The following MANBA variants were observed in gnomAD, a reference collection of about 807,000 sequenced individuals.
The protein encoded by MANBA is beta-mannosidase.
A neutral mutation model predicts 111.1 loss-of-function variants in MANBA; 83 were observed. The observed-to-expected ratio is 0.75, with a 90% CI of 0.63 to 0.90. The LOEUF (loss-of-function observed/expected upper bound fraction) is 0.90, where lower values mean the gene tolerates loss of function less well. MANBA is among the 40% of genes least tolerant of loss of function. MANBA has a pLI of 0.00. For missense variants in MANBA, 1,036 were observed against 1,069.0 expected (o/e 0.97, Z 0.43); for synonymous variants, 370 against 378.7 (o/e 0.98, Z 0.27).
chr4:102,631,904 T>G lies in MANBA; in HGVS notation c.*153A>C. 1.4e-6 allele frequency: 1 copy of G among 726,148 alleles called. No individual in the cohort carries two copies. Among genetic ancestry groups the G allele is most frequent in the African/African-American group, 1.7e-5 (1 of 57,456 alleles). The allele number at this position is 726,148 out of a possible 1,614,324, so 45.0% of individuals were successfully genotyped here. On this transcript the variant is annotated 3_prime_UTR_variant, in exon 17 of 17. Transcript: ENST00000647097. ...AACAGCCTCCCCTGAAAGTGTTCAG[T>G]GTACAACTCTTCACAGAGCAATCGC... is the stretch of plus-strand genomic sequence containing the variant.
At chr4:102,714,706 T>A in intron 4 of MANBA, 145 bp from the exon 5 acceptor site, 1 of 810,186 alleles carries the variant, frequency 1.2e-6, no homozygotes, top group Non-Finnish European at 2.0e-6. Context: ...CTAAGTGGTT[T>A]AAACAATGGA....
chr4:102,725,713 T>C (rs1722768122), intron 2 of MANBA, among the ~76,000 whole-genome samples: 1 of 152,130 alleles, frequency 6.6e-6, no homozygotes, highest in Admixed American at 6.6e-5. Flanking sequence ...GCCTCTTTCC[T>C]GGCACTCTTC....
rs142248415 is a variant in MANBA, at chr4:102,634,957, A to T, written c.2246T>A (p.Leu749His). The T allele has an allele frequency of 7.6e-4, 1,226 of 1,614,220 alleles. 12 individuals carry two copies. In the East Asian group the frequency reaches 0.026, roughly 34 times the overall value. ...CAATTCAGACACTGGCTCCTCATAA[A>T]GGCAGACAGCCTCTCCTCCTTTCAT... Reference protein sequence around the residue: ...FVMKGGEAVCLYEEPVSELLR... With the variant: ...FVMKGGEAVCHYEEPVSELLR... The change falls in exon 16 of 17, where the codon CTT becomes CAT. Residue 749 changes from leucine (L) to histidine (H), a missense_variant. Coordinates refer to ENST00000647097, the MANE Select transcript of MANBA (RefSeq NM_005908.4).
At chr4:102,634,683 A>G in intron 16 of MANBA, 105 bp downstream of exon 16, 1 of 1,486,210 alleles carries the variant, frequency 6.7e-7, no homozygotes, top group Admixed American at 1.7e-5. Flanking sequence ...TAAACTCAGC[A>G]CCAAGGGGGA....
chr4:102,744,530 C>CT (rs1378512138), intron 1 of MANBA, among the ~76,000 whole-genome samples: 2 of 152,184 alleles, frequency 1.3e-5, no homozygotes. Context: ...AGGCAAATTG[C>CT]TTCTGGTGGG....
rs774858196 is a variant in MANBA at position 102,664,689 on chromosome 4, A to C, written c.1481T>G (p.Leu494Arg). The C allele has an allele frequency of 4.3e-6, 7 of 1,611,242 alleles. No homozygotes were observed. Among genetic ancestry groups the C allele is most frequent in the Non-Finnish European group, 5.9e-6 (7 of 1,177,400 alleles). ...GCATTAAAAATCATTACTTACTGCC[A>C]GTACGAGCTCTCTGATGTTTTTCAC... Reference protein sequence around the residue: ...LYVKNIRELVLAGDKSRPFIT... With the variant: ...LYVKNIRELVRAGDKSRPFIT... The change falls in exon 11 of 17, where the codon CTG (leucine) becomes CGG (arginine). Residue 494 changes from leucine (L) to arginine (R), a missense_variant. By Grantham distance (102) the Leu-to-Arg change is moderately radical. Transcript: ENST00000647097.
intron 1 of MANBA, among the ~76,000 whole-genome samples, chr4:102,733,911 A>G (rs111775987): frequency 3.3e-5 from 5 of 152,268 alleles, no homozygotes; most frequent in African/African-American, 4.8e-5. Context: ...AGAAAAAACT[A>G]TGGAGACAGT....
chr4:102,657,118 C>A (rs115131065), intron 12 of MANBA, among the ~76,000 whole-genome samples: 2,435 of 151,022 alleles, frequency 0.016, 65 homozygotes, highest in African/African-American at 0.054. Context: ...AAGAAGAACA[C>A]ACACAATGCT....
At position 102,713,043 on chromosome 4, in the gene MANBA, C is replaced by T. The variant is rs57346031; in HGVS notation, c.673+1395G>A. Among the ~76,000 whole-genome samples, 1,390 of 152,294 alleles carry T rather than the reference C, an allele frequency of 9.1e-3. 27 individuals carry two copies. The highest frequency in any genetic ancestry group is 0.032 in the African/African-American group (1,320 of 41,564). On this transcript the variant is annotated intron_variant, in intron 5 of 16. Transcript: ENST00000647097. ...CAATTTAAATTAGATCTTTTAATGCCTTTTTAAAGTTTAAAAATACCAACA... is the reference window on the plus strand; with the variant it reads ...CAATTTAAATTAGATCTTTTAATGCTTTTTTAAAGTTTAAAAATACCAACA...
chr4:102,722,191 T>C (rs1338149786), intron 4 of MANBA, among the ~76,000 whole-genome samples: 1 of 152,092 alleles, frequency 6.6e-6, no homozygotes, highest in African/African-American at 2.4e-5. Flanking sequence ...GTGAGAAAGC[T>C]CTGTGGTTAC....
intron 4 of MANBA, among the ~76,000 whole-genome samples, chr4:102,717,901 G>A (rs1722406024): frequency 6.6e-6 from 1 of 152,206 alleles, no homozygotes; most frequent in Admixed American, 6.5e-5. Flanking sequence ...AAGCAGTGCT[G>A]TGATCATTTT....
intron 7 of MANBA, among the ~76,000 whole-genome samples, chr4:102,685,621 T>C (rs1189991970): frequency 6.6e-6 from 1 of 152,154 alleles, no homozygotes; most frequent in Non-Finnish European, 1.5e-5. Context: ...CTCTTTTTAG[T>C]CTTTCCCTCG....
At chr4:102,633,671 C>G (rs1729488168) in intron 16 of MANBA, among the ~76,000 whole-genome samples, 1 of 152,268 alleles carries the variant, frequency 6.6e-6, no homozygotes, top group East Asian at 1.9e-4. Context: ...TTCTCCCACC[C>G]CAATTACCCA....
At chr4:102,713,114 A>G (rs1292810786) in intron 5 of MANBA, among the ~76,000 whole-genome samples, 1 of 152,232 alleles carries the variant, frequency 6.6e-6, no homozygotes, top group Non-Finnish European at 1.5e-5. Context: ...ATTTGCTTTC[A>G]TCTTCTGCCT....
At chr4:102,739,165 C>T (rs1176571749) in intron 1 of MANBA, among the ~76,000 whole-genome samples, 1 of 152,134 alleles carries the variant, frequency 6.6e-6, no homozygotes, top group Non-Finnish European at 1.5e-5. Context: ...TTCATGGCTA[C>T]TATGAACATC....
chr4:102,745,261 G>A (rs1465230374), intron 1 of MANBA, among the ~76,000 whole-genome samples: 2 of 152,170 alleles, frequency 1.3e-5, no homozygotes, highest in South Asian at 2.1e-4. Context: ...AAGGATGGGA[G>A]AAATATTAAC....
chr4:102,720,016 G>T (rs1270588212), intron 4 of MANBA, among the ~76,000 whole-genome samples: 1 of 152,206 alleles, frequency 6.6e-6, no homozygotes, highest in Non-Finnish European at 1.5e-5. Flanking sequence ...GCCACAAATT[G>T]AATAGAGGGT....
At chr4:102,644,994 T>C (rs1359961942) in intron 13 of MANBA, among the ~76,000 whole-genome samples, 3 of 152,072 alleles carry the variant, frequency 2.0e-5, no homozygotes, top group Admixed American at 1.3e-4. Context: ...CAATCTATTA[T>C]ATATACCTTG....
chr4:102,757,095 C>G (rs757071573), intron 1 of MANBA, among the ~76,000 whole-genome samples: 1 of 151,888 alleles, frequency 6.6e-6, no homozygotes, highest in Non-Finnish European at 1.5e-5. Context: ...TTTGGAAGGC[C>G]GAGGCAGGTG....
Sources: allele counts gnomAD v4.1 joint callset (sites outside exome capture counted in the v4.1 genomes callset), GRCh38; gene constraint gnomAD v4.1.1; transcripts MANE v1.5; gene names NCBI Gene and HGNC (gene_info 2026-07-23, HGNC 2026-07-21).